The following GLIS3 variants were observed in gnomAD, a reference collection of about 807,000 sequenced individuals.
The protein encoded by GLIS3 is GLIS family zinc finger 3.
A neutral mutation model predicts 78.6 loss-of-function variants in GLIS3; 53 were observed. That is an observed-to-expected ratio of 0.67 (90% confidence interval 0.54 to 0.85). The LOEUF (loss-of-function observed/expected upper bound fraction) is 0.85, where lower values mean the gene tolerates loss of function less well. Among genes scored for constraint, GLIS3 ranks in the 40% least tolerant of loss-of-function variants. GLIS3 has a pLI of 0.00. For synonymous variants in GLIS3, 684 were observed against 509.9 expected, an observed-to-expected ratio of 1.34 and a Z score of -4.60; for missense variants, 1,703 against 1,231.1, an observed-to-expected ratio of 1.38 and a Z score of -5.74.
the GLIS3 span, among the ~76,000 whole-genome samples, chr9:4,489,002 G>A: frequency 6.6e-6 from 1 of 152,000 alleles, no homozygotes; most frequent in African/African-American, 2.4e-5. Flanking sequence ...AAGTAGCTGC[G>A]ACTACAGGCA....
At chr9:4,409,937 G>A in the GLIS3 span, among the ~76,000 whole-genome samples, 25 of 152,062 alleles carry the variant, frequency 1.6e-4, no homozygotes, top group African/African-American at 5.8e-4. Context: ...CATAAACACA[G>A]AAATAATGTG....
At chr9:3,855,539 C>A in intron 9 of GLIS3, 1 of 220,526 alleles carries the variant, frequency 4.5e-6, no homozygotes, top group Non-Finnish European at 9.1e-6. Flanking sequence ...GAGTTTAGAG[C>A]CTGGAGAGAT....
At chr9:4,423,835 A>C in the GLIS3 span, among the ~76,000 whole-genome samples, 1 of 152,248 alleles carries the variant, frequency 6.6e-6, no homozygotes, top group Admixed American at 6.5e-5. Flanking sequence ...ACATACTTAT[A>C]ATGTCAGAAG....
At chr9:4,487,027 G>A in the GLIS3 span, among the ~76,000 whole-genome samples, 1,972 of 152,192 alleles carry the variant, frequency 0.013, 46 homozygotes, top group African/African-American at 0.045. Flanking sequence ...AATGCAAAAA[G>A]TAGAAGGCAA....
At chr9:4,223,012 G>C (rs954024630) in intron 2 of GLIS3, among the ~76,000 whole-genome samples, 16 of 151,996 alleles carry the variant, frequency 1.1e-4, no homozygotes, top group Non-Finnish European at 2.4e-4. Flanking sequence ...GCACTCCTTA[G>C]GTAGGCTGGG....
In GLIS3 at chr9:3,916,334, G is replaced by A. The variant is rs532591944; in HGVS notation, c.1983+16026C>T. Among the ~76,000 whole-genome samples the A allele has an allele frequency of 3.9e-5, 6 of 152,304 alleles. No homozygotes were observed. In the South Asian group the frequency reaches 1.2e-3, roughly 32 times the overall value. On this transcript the variant is annotated intron_variant, in intron 6 of 10. Coordinates refer to ENST00000381971, the MANE Select transcript of GLIS3 (RefSeq NM_001042413.2). ...CCCCAAGTCTTCTACCTCCCCACTG[G>A]GGGACCAAGCAAATTCCTTGATTTC...
the GLIS3 span, among the ~76,000 whole-genome samples, chr9:4,428,304 C>T: frequency 1.4e-4 from 22 of 151,924 alleles, no homozygotes; most frequent in East Asian, 4.1e-3. Flanking sequence ...CATGGCAAAA[C>T]TCCATGTCTA....
the GLIS3 span, among the ~76,000 whole-genome samples, chr9:4,480,309 AC>A: frequency 6.8e-6 from 1 of 147,836 alleles, no homozygotes; most frequent in Non-Finnish European, 1.5e-5. Context: ...AGTTCAAATA[AC>A]CCTCCCACCT....
chr9:4,269,236 T>C (rs1826287432), intron 2 of GLIS3, among the ~76,000 whole-genome samples: 1 of 152,192 alleles, frequency 6.6e-6, no homozygotes, highest in Non-Finnish European at 1.5e-5. Context: ...TGTGACCTTC[T>C]TTGCTCAGCC....
At chr9:4,185,165 C>G (rs1311074473) in intron 2 of GLIS3, among the ~76,000 whole-genome samples, 1 of 152,158 alleles carries the variant, frequency 6.6e-6, no homozygotes, top group Admixed American at 6.6e-5. Flanking sequence ...ATCAATTTGA[C>G]TTTTTTAACA....
intron 2 of GLIS3, among the ~76,000 whole-genome samples, chr9:4,321,687 T>C (rs1817531708): frequency 7.1e-6 from 1 of 140,306 alleles, no homozygotes; most frequent in Non-Finnish European, 1.5e-5. Flanking sequence ...GTAACTACCA[T>C]CTCTGCATTT....
intron 2 of GLIS3, among the ~76,000 whole-genome samples, chr9:4,221,267 G>C (rs1563779510): frequency 6.6e-6 from 1 of 152,132 alleles, no homozygotes; most frequent in Non-Finnish European, 1.5e-5. Flanking sequence ...CAGGGAATCT[G>C]GGTGAAGGGC....
the GLIS3 span, among the ~76,000 whole-genome samples, chr9:4,444,973 G>A: frequency 6.6e-6 from 1 of 152,082 alleles, no homozygotes; most frequent in Admixed American, 6.6e-5. Flanking sequence ...TTTTTCACAT[G>A]GAACCTCTCC....
chr9:4,363,395 G>T, the GLIS3 span, among the ~76,000 whole-genome samples: 1 of 152,062 alleles, frequency 6.6e-6, no homozygotes, highest in Non-Finnish European at 1.5e-5. Context: ...TGCACTCCTG[G>T]GTGACAGAGA....
chr9:4,223,369 A>G (rs943900695), intron 2 of GLIS3, among the ~76,000 whole-genome samples: 31 of 152,122 alleles, frequency 2.0e-4, no homozygotes, highest in African/African-American at 6.8e-4. Flanking sequence ...ACATTCTACG[A>G]TTCACTCCCC....
At chr9:3,941,286 G>C (rs1255171039) in intron 4 of GLIS3, among the ~76,000 whole-genome samples, 1 of 151,840 alleles carries the variant, frequency 6.6e-6, no homozygotes, top group African/African-American at 2.4e-5. Flanking sequence ...TCCACAGCAG[G>C]GCAAAAAGGA....
intron 2 of GLIS3, among the ~76,000 whole-genome samples, chr9:4,167,181 A>G (rs1361155055): frequency 6.6e-6 from 1 of 152,236 alleles, no homozygotes; most frequent in Non-Finnish European, 1.5e-5. Flanking sequence ...GCCCAAGAGC[A>G]AAGCTGCAAC....
chr9:4,192,734 G>A (rs1377411425), intron 2 of GLIS3, among the ~76,000 whole-genome samples: 1 of 151,344 alleles, frequency 6.6e-6, no homozygotes, highest in Admixed American at 6.6e-5. Flanking sequence ...AATAGAACGA[G>A]ACATGGTTGT....
intron 6 of GLIS3, among the ~76,000 whole-genome samples, chr9:3,931,182 T>C (rs1825588055): frequency 6.6e-6 from 1 of 152,110 alleles, no homozygotes; most frequent in Admixed American, 6.6e-5. Context: ...AGACTATCTA[T>C]CAAATCCCCC....
Sources: gnomAD v4.1 joint callset for allele counts (sites outside exome capture counted in the v4.1 genomes callset) on GRCh38, gnomAD v4.1.1 for gene constraint, MANE v1.5 for transcripts, NCBI Gene and HGNC (gene_info 2026-07-23, HGNC 2026-07-21) for gene names.